ZNF799: variants seen among roughly 807,000 people sequenced by gnomAD.
ZNF799 encodes the protein zinc finger protein 14.
ZNF799 carries 28 observed loss-of-function variants against 41.0 expected under a neutral mutation model. That is an observed-to-expected ratio of 0.68 (90% CI 0.51 to 0.94). The LOEUF is 0.94. ZNF799 is among the 40% of genes least tolerant of loss of function. The pLI is 0.00. For synonymous variants in ZNF799, 213 were observed against 252.9 expected (o/e 0.84, Z 1.50); for missense variants, 716 against 764.3 (o/e 0.94, Z 0.74).
At chr19:12,414,689 A>T in the ZNF799 span, among the ~76,000 whole-genome samples, 1 of 152,236 alleles carries the variant, frequency 6.6e-6, no homozygotes, top group Non-Finnish European at 1.5e-5. Context: ...TGGAATTATA[A>T]GGCAACAGTC....
the ZNF799 span, among the ~76,000 whole-genome samples, chr19:12,413,689 C>G: frequency 6.6e-6 from 1 of 152,184 alleles, no homozygotes; most frequent in Non-Finnish European, 1.5e-5. Flanking sequence ...AATCTACGAC[C>G]AGTAGTGGGA....
chr19:12,411,157 C>T, the ZNF799 span, among the ~76,000 whole-genome samples: 2 of 152,172 alleles, frequency 1.3e-5, no homozygotes, highest in Non-Finnish European at 2.9e-5. Flanking sequence ...TATCTGCAAA[C>T]CAAGAAGCAG....
the ZNF799 span, among the ~76,000 whole-genome samples, chr19:12,412,808 G>A: frequency 6.6e-6 from 1 of 152,038 alleles, no homozygotes; most frequent in South Asian, 2.1e-4. Context: ...GGGAGGCCAA[G>A]GCAGGCAGAT....
At position 12,390,285 on chromosome 19, in the gene ZNF799, G is replaced by C. The variant is rs1188581369; in HGVS notation, c.*181C>G. Reference sequence around the variant, plus strand: ...AGGGACTGGACATGGCTCACGGAGTGCTGGAACCAATACCCAGCAGGTATC... The same window carrying C: ...AGGGACTGGACATGGCTCACGGAGTCCTGGAACCAATACCCAGCAGGTATC... On this transcript the variant is annotated 3_prime_UTR_variant, in exon 4 of 4. Transcript: ENST00000430385. 4.4e-6 allele frequency: 5 copies of C among 1,141,130 alleles called. No individual in the cohort carries two copies. In the African/African-American group the frequency reaches 7.8e-5, roughly 18 times the overall value. 70.7% of individuals were successfully genotyped at this position (1,141,130 alleles called of 1,614,324 possible). A position where few individuals can be genotyped will look rare whatever the true frequency, so the allele number is the denominator to read the frequency against.
At chr19:12,413,954 C>T in the ZNF799 span, among the ~76,000 whole-genome samples, 10 of 152,338 alleles carry the variant, frequency 6.6e-5, no homozygotes, top group East Asian at 1.7e-3. Context: ...GCCGTGCACA[C>T]GCACCATTTC....
At chr19:12,407,436 C>G in the ZNF799 span, among the ~76,000 whole-genome samples, 1 of 149,002 alleles carries the variant, frequency 6.7e-6, no homozygotes, top group African/African-American at 2.5e-5. Flanking sequence ...GCACTCCAGC[C>G]TGAGTAACAA....
chr19:12,406,899 C>CAA, the ZNF799 span, among the ~76,000 whole-genome samples: 5 of 151,164 alleles, frequency 3.3e-5, no homozygotes, highest in Admixed American at 6.6e-5. Flanking sequence ...GACTTCTTCT[C>CAA]AAAAAAAATA....
chr19:12,396,509 C>T (rs1969896034), intron 1 of ZNF799, among the ~76,000 whole-genome samples: 2 of 152,170 alleles, frequency 1.3e-5, no homozygotes, highest in African/African-American at 2.4e-5. Flanking sequence ...ATTAGCTGGG[C>T]ATGGTGGTGC....
upstream of ZNF799, among the ~76,000 whole-genome samples, chr19:12,401,801 C>A (rs1420534335): frequency 6.6e-6 from 1 of 151,988 alleles, no homozygotes; most frequent in South Asian, 2.1e-4. Flanking sequence ...GTCTCGAACT[C>A]CTGACCTCGT....
chr19:12,406,919 T>TA, the ZNF799 span, among the ~76,000 whole-genome samples: 1 of 151,598 alleles, frequency 6.6e-6, no homozygotes, highest in Non-Finnish European at 1.5e-5. Context: ...AAAATTAAAT[T>TA]AAAAAAGTAG....
chr19:12,395,199 C>T, intron 1 of ZNF799: 1 of 149,034 alleles, frequency 6.7e-6, no homozygotes, highest in African/African-American at 2.5e-5. Flanking sequence ...TGGAGTGCAG[C>T]CACACAACCT....
At chr19:12,407,623 CTAGTTCCTATCT>C in the ZNF799 span, among the ~76,000 whole-genome samples, 1 of 152,080 alleles carries the variant, frequency 6.6e-6, no homozygotes. Flanking sequence ...CTTTCCTTTT[CTAGTTCCTATCT>C]GATGTAATAG....
chr19:12,397,679 A>AAAAG (rs1408333310), intron 1 of ZNF799, among the ~76,000 whole-genome samples: 2 of 152,084 alleles, frequency 1.3e-5, no homozygotes, highest in Non-Finnish European at 2.9e-5. Flanking sequence ...AGGAGACAGA[A>AAAAG]AAAGGAAGTT....
intron 1 of ZNF799, among the ~76,000 whole-genome samples, chr19:12,397,171 C>G (rs925611605): frequency 6.6e-6 from 1 of 152,066 alleles, no homozygotes; most frequent in Non-Finnish European, 1.5e-5. Flanking sequence ...ATAAGCATTA[C>G]CCCAAAAGCC....
In ZNF799 at chr19:12,401,251, T is replaced by A. The variant is rs1275415581; in HGVS notation, c.-181A>T. Reference sequence around the variant, plus strand: ...GGGCTTTTTCAACCACACACTCCTCTGGGAAGCGCGCCTGATTGACAGTTC... The same window carrying A: ...GGGCTTTTTCAACCACACACTCCTCAGGGAAGCGCGCCTGATTGACAGTTC... On this transcript the variant is annotated 5_prime_UTR_variant, in exon 1 of 4. Transcript: ENST00000430385. 2 of 1,406,554 alleles carry A rather than the reference T, an allele frequency of 1.4e-6. No individual in the cohort carries two copies. Among genetic ancestry groups the A allele is most frequent in the African/African-American group, 2.9e-5 (2 of 69,364 alleles). 87.1% of individuals were successfully genotyped at this position (1,406,554 alleles called of 1,614,324 possible). A position where few individuals can be genotyped will look rare whatever the true frequency, so the allele number is the denominator to read the frequency against.
chr19:12,391,476 G>A lies in ZNF799; in HGVS notation c.922C>T (p.Pro308Ser). 1 of 1,614,088 alleles carries A rather than the reference G, an allele frequency of 6.2e-7. No individual in the cohort carries two copies. The highest frequency in any genetic ancestry group is 1.1e-5 in the South Asian group (1 of 91,086). Reference protein sequence around the residue: ...RHETTHTDEKPYACQQCGKAF... With the variant: ...RHETTHTDEKSYACQQCGKAF... Reference sequence around the variant, plus strand: ...TTCCCACATTGCTGACATGCATAGGGTTTCTCATCAGTGTGAGTTGTTTCG... The same window carrying A: ...TTCCCACATTGCTGACATGCATAGGATTTCTCATCAGTGTGAGTTGTTTCG... Residue 308 changes from proline (P) to serine (S), a missense_variant, in exon 4 of 4, where the codon CCC (proline) becomes TCC (serine). By Grantham distance (74) the Pro-to-Ser change is moderately conservative (BLOSUM62 -1). Coordinates refer to ENST00000430385, the MANE Select transcript of ZNF799 (RefSeq NM_001080821.3).
In ZNF799 at chr19:12,392,607, G is replaced by C. The variant is rs1969841516; in HGVS notation, c.187C>G (p.Leu63Val). ...EDQYRYPRKNLRCRMLERFVE... is the reference protein window; with the variant it reads ...EDQYRYPRKNVRCRMLERFVE... ...TCTCTTGTGAGTATAAATTACCTTA[G>C]ATTTTTCCTGGGATATCTATATTGA... is the stretch of plus-strand genomic sequence containing the variant. Residue 63 changes from leucine (L) to valine (V), a missense_variant, in exon 3 of 4, where the codon CTA becomes GTA. By Grantham distance (32) the Leu-to-Val change is conservative. Coordinates refer to ENST00000430385, the MANE Select transcript of ZNF799 (RefSeq NM_001080821.3). 6.3e-7 allele frequency: 1 copy of C among 1,592,518 alleles called. No individual in the cohort carries two copies. Among genetic ancestry groups the C allele is most frequent in the African/African-American group, 1.3e-5 (1 of 74,476 alleles).
intron 1 of ZNF799, among the ~76,000 whole-genome samples, chr19:12,396,170 T>C (rs1035469169): frequency 1.8e-4 from 27 of 152,372 alleles, no homozygotes; most frequent in African/African-American, 6.5e-4. Flanking sequence ...CATGAAAATA[T>C]GGTTCATCAA....
the ZNF799 span, among the ~76,000 whole-genome samples, chr19:12,407,623 C>G: frequency 1.3e-5 from 2 of 152,080 alleles, no homozygotes; most frequent in Admixed American, 1.3e-4. Flanking sequence ...CTTTCCTTTT[C>G]TAGTTCCTAT....
Sources: gnomAD v4.1 joint callset for allele counts (sites outside exome capture counted in the v4.1 genomes callset) on GRCh38, gnomAD v4.1.1 for gene constraint, MANE v1.5 for transcripts, NCBI Gene and HGNC (gene_info 2026-07-23, HGNC 2026-07-21) for gene names.